The following SPANXN1 variants were observed in gnomAD, a reference collection of about 807,000 sequenced individuals.
SPANXN1 encodes SPANX family member N1.
Under a neutral mutation model 2.0 loss-of-function variants are expected in SPANXN1, and 1 was observed. The ratio of observed to expected loss-of-function variants is 0.50; its 90% CI spans 0.18 to 2.36. The LOEUF (loss-of-function observed/expected upper bound fraction) is 2.36, where lower values mean the gene tolerates loss of function less well. Among genes scored for constraint, SPANXN1 ranks in the 30% most tolerant of loss-of-function variants. The pLI, the probability that SPANXN1 is intolerant of heterozygous loss-of-function variation, is 0.26. For synonymous variants in SPANXN1, 27 were observed against 21.3 expected, an observed-to-expected ratio of 1.27 and a Z score of -0.74; for missense variants, 55 against 51.8, an observed-to-expected ratio of 1.06 and a Z score of -0.19.
rs1239711204 is a variant in SPANXN1, at chrX:145,247,634, C to G, written c.48C>G (p.Pro16=). The G allele has an allele frequency of 1.2e-5, 15 of 1,208,095 alleles. No individual in the cohort carries two copies. Among genetic ancestry groups the G allele is most frequent in the Non-Finnish European group, 1.7e-5 (15 of 894,029 alleles). ...SSINGEKRKS[P]CESNNENDEM... ...TCAATGGGGAGAAGAGGAAGAGCCC[C>G]TGTGAATCCAACAATGAAAATGATG... Residue 16 remains proline, a synonymous_variant, in exon 1 of 2, where the codon CCC becomes CCG. Transcript: ENST00000370493.
chrX:145,254,022 G>A (rs2070796956), intron 1 of SPANXN1, among the ~76,000 whole-genome samples: 1 of 109,739 alleles, frequency 9.1e-6, no homozygotes, highest in African/African-American at 3.3e-5. Flanking sequence ...AAGGGGGTTG[G>A]GTGTGAGACC....
rs1197759020 is a variant in SPANXN1, at chrX:145,247,517, C to A, written c.-70C>A. ...AGCTCTGGGACATCCTCCTGGGAAG[C>A]TTCAATACAGCTGTGCAAGTCTGGA... On this transcript the variant is annotated 5_prime_UTR_variant, in exon 1 of 2. Coordinates refer to ENST00000370493, the MANE Select transcript of SPANXN1 (RefSeq NM_001009614.3). The A allele has an allele frequency of 3.7e-6, 4 of 1,087,319 alleles. No individual in the cohort carries two copies. Among genetic ancestry groups the A allele is most frequent in the Non-Finnish European group, 5.1e-6 (4 of 783,900 alleles). The allele number at this position is 1,087,319 out of a possible 1,213,427, so 89.6% of individuals were successfully genotyped here.
chrX:145,254,277 C>T (rs1265086703), intron 1 of SPANXN1, among the ~76,000 whole-genome samples: 5 of 111,665 alleles, frequency 4.5e-5, no homozygotes, highest in Non-Finnish European at 7.5e-5. Flanking sequence ...GAGCTGTGAA[C>T]GAAGATAAGC....
intron 1 of SPANXN1, among the ~76,000 whole-genome samples, chrX:145,254,209 G>A (rs1556882818): frequency 9.4e-6 from 1 of 106,080 alleles, no homozygotes; most frequent in Non-Finnish European, 1.9e-5. Context: ...ATTTTGGGGG[G>A]TTTCTCCTTG....
intron 1 of SPANXN1, among the ~76,000 whole-genome samples, chrX:145,251,730 G>C (rs1368121743): frequency 1.8e-5 from 2 of 111,459 alleles, no homozygotes; most frequent in Admixed American, 9.5e-5. Flanking sequence ...GTTTTAGTGG[G>C]AATTGATGGG....
intron 1 of SPANXN1, among the ~76,000 whole-genome samples, chrX:145,254,935 C>T (rs1175681081): frequency 9.0e-6 from 1 of 111,431 alleles, no homozygotes; most frequent in Non-Finnish European, 1.9e-5. Flanking sequence ...GGAAGCAGGC[C>T]CCGGTCTAGT....
At chrX:145,253,781 G>A (rs1282219226) in intron 1 of SPANXN1, among the ~76,000 whole-genome samples, 1 of 111,086 alleles carries the variant, frequency 9.0e-6, no homozygotes, top group Admixed American at 9.6e-5. Context: ...CAGGGTGAGG[G>A]TAGAGGAGAG....
At chrX:145,255,011 A>G (rs1374195468) in intron 1 of SPANXN1, among the ~76,000 whole-genome samples, 3 of 109,925 alleles carry the variant, frequency 2.7e-5, no homozygotes, top group African/African-American at 1.0e-4. Flanking sequence ...ATCACCAACC[A>G]CTCCAGGTTT....
At chrX:145,253,359 C>A (rs1460906280) in intron 1 of SPANXN1, among the ~76,000 whole-genome samples, 1 of 110,970 alleles carries the variant, frequency 9.0e-6, no homozygotes, top group Non-Finnish European at 1.9e-5. Flanking sequence ...TTGGTTCTTC[C>A]TCTCTATTCT....
At chrX:145,255,121 T>C (rs781798346) in intron 1 of SPANXN1, among the ~76,000 whole-genome samples, 1 of 111,017 alleles carries the variant, frequency 9.0e-6, no homozygotes, top group Non-Finnish European at 1.9e-5. Flanking sequence ...TTGCAGAAAC[T>C]TGTGGAAGTG....
chrX:145,252,352 G>A (rs1402020586), intron 1 of SPANXN1, among the ~76,000 whole-genome samples: 1 of 111,146 alleles, frequency 9.0e-6, no homozygotes, highest in Non-Finnish European at 1.9e-5. Flanking sequence ...TATATGGGTT[G>A]CAGACCACCA....
chrX:145,251,243 G>A (rs111590533), intron 1 of SPANXN1, among the ~76,000 whole-genome samples: 7,000 of 111,304 alleles, frequency 0.063, 496 homozygotes, highest in African/African-American at 0.19. Context: ...GCTTAGAGTC[G>A]GAAGTGTTTA....
chrX:145,249,949 G>C (rs73639612), intron 1 of SPANXN1, among the ~76,000 whole-genome samples: 2 of 111,849 alleles, frequency 1.8e-5, no homozygotes, highest in African/African-American at 6.5e-5. Flanking sequence ...TGGAGCATTT[G>C]TACATGAGTT....
chrX:145,252,568 G>T (rs2070790503), intron 1 of SPANXN1, among the ~76,000 whole-genome samples: 2 of 111,208 alleles, frequency 1.8e-5, no homozygotes, highest in African/African-American at 6.6e-5. Flanking sequence ...GAAGGAAAAT[G>T]GAGGGGTTCT....
At chrX:145,255,463 T>C (rs1238701829) in intron 1 of SPANXN1, among the ~76,000 whole-genome samples, 7 of 111,094 alleles carry the variant, frequency 6.3e-5, no homozygotes, top group Admixed American at 5.7e-4. Context: ...ACTTACAAAA[T>C]GGTGCACTTT....
At chrX:145,249,039 T>C (rs1210407951) in intron 1 of SPANXN1, among the ~76,000 whole-genome samples, 1 of 110,465 alleles carries the variant, frequency 9.1e-6, no homozygotes, top group African/African-American at 3.3e-5. Flanking sequence ...TGTGTGATGG[T>C]GTGGGTGGAT....
intron 1 of SPANXN1, among the ~76,000 whole-genome samples, chrX:145,254,017 G>T (rs782791392): frequency 6.4e-5 from 7 of 109,928 alleles, no homozygotes; most frequent in African/African-American, 1.0e-4. Context: ...AGCGAAAGGG[G>T]GTTGGGTGTG....
At position 145,256,060 on chromosome X, in the gene SPANXN1, G is replaced by C; in HGVS notation, c.*246G>C. 2 of 543,133 alleles carry C rather than the reference G, an allele frequency of 3.7e-6. No individual in the cohort carries two copies. Among genetic ancestry groups the C allele is most frequent in the South Asian group, 3.0e-5 (1 of 33,478 alleles). The allele number at this position is 543,133 out of a possible 1,213,427, so 44.8% of individuals were successfully genotyped here. A position where few individuals can be genotyped will look rare whatever the true frequency, so the allele number is the denominator to read the frequency against. ...ACTTACCTGAAGGATCTTCACAGGA[G>C]GATAAAGACGTAGAATTACCTGAAG... On this transcript the variant is annotated 3_prime_UTR_variant, in exon 2 of 2. Transcript: ENST00000370493.
At chrX:145,255,527 A>C (rs2070805606) in intron 1 of SPANXN1, 144 bp from the exon 2 acceptor site, 5 of 885,950 alleles carry the variant, frequency 5.6e-6, no homozygotes, top group Non-Finnish European at 8.0e-6. Context: ...ATAGATCCCT[A>C]CCCTATGATT....
Sources: gnomAD v4.1 joint callset for allele counts (sites outside exome capture counted in the v4.1 genomes callset) on GRCh38, gnomAD v4.1.1 for gene constraint, MANE v1.5 for transcripts, NCBI Gene and HGNC (gene_info 2026-07-23, HGNC 2026-07-21) for gene names.